Variants in ROBO1 observed in about 807,000 individuals in gnomAD.
ROBO1 encodes the protein roundabout homolog 1.
Under a neutral mutation model 195.9 loss-of-function variants are expected in ROBO1, and 149 were observed. The ratio of observed to expected loss-of-function variants is 0.76; its 90% CI spans 0.67 to 0.87. The LOEUF (loss-of-function observed/expected upper bound fraction) is 0.87, where lower values mean the gene tolerates loss of function less well. Among genes scored for constraint, ROBO1 ranks in the 40% least tolerant of loss-of-function variants. The pLI is 0.00. For synonymous variants in ROBO1, 816 were observed against 733.2 expected, an observed-to-expected ratio of 1.11 and a Z score of -1.82; for missense variants, 1,933 against 2,068.3, an observed-to-expected ratio of 0.93 and a Z score of 1.27.
At chr3:78,786,149 C>T (rs2083826803) in intron 4 of ROBO1, among the ~76,000 whole-genome samples, 1 of 152,072 alleles carries the variant, frequency 6.6e-6, no homozygotes, top group Non-Finnish European at 1.5e-5. Context: ...TGACTTCCAC[C>T]TACTTTCTCT....
chr3:78,772,546 T>C (rs1361904454), intron 4 of ROBO1, among the ~76,000 whole-genome samples: 1 of 152,132 alleles, frequency 6.6e-6, no homozygotes, highest in Non-Finnish European at 1.5e-5. Context: ...TTTGAAATAA[T>C]TCTAAGATTC....
rs1426634883 is a variant in ROBO1 at position 78,693,301 on chromosome 3, C to G, written c.1046-4529G>C. 4 of 1,548,866 alleles carry G rather than the reference C, an allele frequency of 2.6e-6. No individual in the cohort carries two copies. The Admixed American group carries it at 5.9e-5, about 23-fold the overall frequency. On this transcript the variant is annotated intron_variant, in intron 8 of 30. Coordinates refer to ENST00000464233, the MANE Select transcript of ROBO1 (RefSeq NM_002941.4). The stretch of plus-strand genomic sequence containing the variant: ...TGGAAAGGGGAAGAGAAGTTCCAGT[C>G]ACAGTGACACGGTGATGAGAAGATG...
chr3:79,211,328 A>T (rs1378927807), intron 2 of ROBO1, among the ~76,000 whole-genome samples: 1 of 152,118 alleles, frequency 6.6e-6, no homozygotes, highest in Non-Finnish European at 1.5e-5. Flanking sequence ...TCTATCAGCT[A>T]GGATATAATT....
At chr3:78,740,907 T>C (rs756256256) in intron 5 of ROBO1, among the ~76,000 whole-genome samples, 21 of 152,182 alleles carry the variant, frequency 1.4e-4, no homozygotes, top group Non-Finnish European at 2.9e-4. Context: ...TATACTATTG[T>C]TTCTGTAAAT....
chr3:79,345,770 A>G (rs1268916635), intron 2 of ROBO1, among the ~76,000 whole-genome samples: 2 of 152,284 alleles, frequency 1.3e-5, no homozygotes, highest in Admixed American at 6.5e-5. Flanking sequence ...ATTCCAGGGT[A>G]ATGAACAATT....
intron 1 of ROBO1, among the ~76,000 whole-genome samples, chr3:79,637,290 T>C (rs752442224): frequency 1.3e-5 from 2 of 151,960 alleles, no homozygotes; most frequent in Non-Finnish European, 2.9e-5. Context: ...CAGTGCTATC[T>C]AGTAACTGAT....
rs552834144 is a variant in ROBO1, at chr3:78,952,336, G to A, written c.173-13409C>T. ...AGAGAATTTGGCGACATCTGTCCAAGGTGGGGACAGGGATGTAATTATATA... is the reference window on the plus strand; with the variant it reads ...AGAGAATTTGGCGACATCTGTCCAAAGTGGGGACAGGGATGTAATTATATA... On this transcript the variant is annotated intron_variant, in intron 3 of 30. Coordinates refer to ENST00000464233, the MANE Select transcript of ROBO1 (RefSeq NM_002941.4). 1.0e-4 allele frequency among the ~76,000 whole-genome samples: 15 copies of A among 150,066 alleles called. 1 individual carries two copies. Among genetic ancestry groups the A allele is most frequent in the South Asian group, 6.3e-4 (3 of 4,776 alleles).
intron 2 of ROBO1, among the ~76,000 whole-genome samples, chr3:79,444,739 T>G (rs1019427878): frequency 2.0e-5 from 3 of 152,072 alleles, no homozygotes. Context: ...GATGGACACA[T>G]AAAATGTAGT....
At chr3:78,917,099 G>GTTT (rs756798186) in intron 4 of ROBO1, among the ~76,000 whole-genome samples, 37,886 of 127,010 alleles carry the variant, frequency 0.3, 6,010 homozygotes, top group African/African-American at 0.34. Context: ...TTTGTTTTTC[G>GTTT]TTTTTTTTTT....
intron 2 of ROBO1, among the ~76,000 whole-genome samples, chr3:79,498,576 G>A (rs1371452616): frequency 2.6e-5 from 4 of 152,118 alleles, no homozygotes; most frequent in Admixed American, 2.0e-4. Context: ...ATTTGTGGCC[G>A]GGCACGGTGG....
chr3:79,740,489 T>C (rs1000521671), intron 1 of ROBO1, among the ~76,000 whole-genome samples: 2 of 152,020 alleles, frequency 1.3e-5, no homozygotes, highest in Non-Finnish European at 2.9e-5. Context: ...TGACTCACAG[T>C]TCCGCATGGC....
At chr3:78,614,858 C>CA (rs1704021709) in intron 27 of ROBO1, 58 bp from the exon 28 acceptor site, 4 of 1,446,268 alleles carry the variant, frequency 2.8e-6, no homozygotes, top group Non-Finnish European at 2.8e-6. Flanking sequence ...TTAATTACAA[C>CA]AGGAACAACA....
Position 79,121,311 on chromosome 3 carries a change from G to A in ROBO1, c.172+4145C>T, listed in dbSNP as rs114653888. On this transcript the variant is annotated intron_variant, in intron 3 of 30. Transcript: ENST00000464233. ...CAATGAAGAATGTAGGGAGACACAA[G>A]AATCAGTGTCATCATCAATTGTTTC... 3.6e-3 allele frequency among the ~76,000 whole-genome samples: 549 copies of A among 152,224 alleles called. 7 individuals carry two copies. The highest frequency in any genetic ancestry group is 0.012 in the African/African-American group (510 of 41,568).
At chr3:79,548,063 G>A (rs1460636081) in intron 2 of ROBO1, among the ~76,000 whole-genome samples, 3 of 152,140 alleles carry the variant, frequency 2.0e-5, no homozygotes, top group Non-Finnish European at 2.9e-5. Context: ...ACAGTTTTAA[G>A]CACCCATCGT....
chr3:78,949,617 T>C (rs1206840695), intron 3 of ROBO1, among the ~76,000 whole-genome samples: 1 of 151,932 alleles, frequency 6.6e-6, no homozygotes, highest in African/African-American at 2.4e-5. Context: ...ACTTCATGTC[T>C]AAAACACCAA....
intron 2 of ROBO1, among the ~76,000 whole-genome samples, chr3:79,292,898 G>A (rs888264925): frequency 4.6e-5 from 7 of 152,300 alleles, no homozygotes; most frequent in African/African-American, 1.2e-4. Context: ...CATAAAATAA[G>A]TTAGGGGGGA....
At chr3:78,934,171 G>A (rs949039287) in intron 4 of ROBO1, among the ~76,000 whole-genome samples, 11 of 151,916 alleles carry the variant, frequency 7.2e-5, no homozygotes, top group Admixed American at 2.0e-4. Flanking sequence ...AAAAGGTAGT[G>A]AAAGCAATAG....
At chr3:79,304,240 G>T (rs2033119110) in intron 2 of ROBO1, among the ~76,000 whole-genome samples, 1 of 151,982 alleles carries the variant, frequency 6.6e-6, no homozygotes, top group African/African-American at 2.4e-5. Context: ...AACTAACTTG[G>T]TTAAAGACTG....
At chr3:79,020,806 A>C (rs1428171383) in intron 3 of ROBO1, among the ~76,000 whole-genome samples, 3 of 152,198 alleles carry the variant, frequency 2.0e-5, no homozygotes, top group Non-Finnish European at 4.4e-5. Context: ...AACTTCAAAA[A>C]AAATTATTTG....
Sources: gnomAD v4.1 joint callset for allele counts (sites outside exome capture counted in the v4.1 genomes callset) on GRCh38, gnomAD v4.1.1 for gene constraint, MANE v1.5 for transcripts, NCBI Gene and HGNC (gene_info 2026-07-23, HGNC 2026-07-21) for gene names.